Variants in CELF6 observed in about 807,000 individuals in gnomAD.
CELF6 encodes CUGBP Elav-like family member 6.
In CELF6, 32 loss-of-function variants were observed where a neutral mutation model predicts 53.1. The ratio of observed to expected loss-of-function variants is 0.60; its 90% confidence interval spans 0.46 to 0.81. The LOEUF is 0.81. CELF6 is among the 30% of genes least tolerant of loss of function. The pLI is 0.00. For synonymous variants in CELF6, 291 were observed against 288.8 expected, an observed-to-expected ratio of 1.01 and a Z score of -0.08; for missense variants, 539 against 669.5, an observed-to-expected ratio of 0.81 and a Z score of 2.15.
At chr15:72,293,493 TA>T (rs1399365298) in intron 3 of CELF6, among the ~76,000 whole-genome samples, 1 of 152,160 alleles carries the variant, frequency 6.6e-6, no homozygotes, top group East Asian at 1.9e-4. Flanking sequence ...AATGTCTGAA[TA>T]AAAGTATCCC....
At chr15:72,287,525 G>A (rs1034917880) in intron 11 of CELF6, 133 bp from the exon 12 acceptor site, 13 of 982,994 alleles carry the variant, frequency 1.3e-5, no homozygotes, top group Non-Finnish European at 1.8e-5. Flanking sequence ...CTGTTTGTGT[G>A]GATACAGAGT....
At chr15:72,306,799 C>T (rs2088236485) in intron 2 of CELF6, among the ~76,000 whole-genome samples, 1 of 151,982 alleles carries the variant, frequency 6.6e-6, no homozygotes, top group Non-Finnish European at 1.5e-5. Context: ...ACCAGGAGGA[C>T]AGGACCCGTC....
chr15:72,316,821 T>C (rs1250130500), intron 1 of CELF6, among the ~76,000 whole-genome samples: 2 of 150,412 alleles, frequency 1.3e-5, no homozygotes, highest in African/African-American at 5.0e-5. Flanking sequence ...GTGGGGCATT[T>C]TGATGACCTT....
chr15:72,291,684 G>A (rs1412509045), intron 3 of CELF6, among the ~76,000 whole-genome samples: 1 of 152,216 alleles, frequency 6.6e-6, no homozygotes. Context: ...TATGTCACCC[G>A]GGTGGTGTGG....
chr15:72,311,690 C>T (rs980026591), intron 2 of CELF6, among the ~76,000 whole-genome samples: 2 of 152,240 alleles, frequency 1.3e-5, no homozygotes, highest in African/African-American at 4.8e-5. Flanking sequence ...GCGTGAGCCA[C>T]TGCACCCGGC....
rs1438398634 is a variant in CELF6 at position 72,320,144 on chromosome 15, T to G, written c.-270A>C. On this transcript the variant is annotated 5_prime_UTR_variant, in exon 1 of 13. Transcript: ENST00000287202. ...GGTCCCCGTGCGGCTCTCTCTGGGC[T>G]CCCGCCCGAGCTCTCCCAGAGCCGA... The G allele has an allele frequency of 3.2e-6, 2 of 632,168 alleles. No individual in the cohort carries two copies. Among genetic ancestry groups the G allele is most frequent in the Non-Finnish European group, 5.9e-6 (2 of 340,906 alleles). The allele number at this position is 632,168 out of a possible 1,614,324, so 39.2% of individuals were successfully genotyped here. A position where few individuals can be genotyped will look rare whatever the true frequency, so the allele number is the denominator to read the frequency against.
chr15:72,301,789 T>G (rs1186016958), intron 3 of CELF6, among the ~76,000 whole-genome samples: 3 of 142,566 alleles, frequency 2.1e-5, no homozygotes, highest in Non-Finnish European at 4.5e-5. Flanking sequence ...CAGGCTGGAG[T>G]GCAGTGGTGC....
chr15:72,288,835 A>T lies in CELF6; in HGVS notation c.1093+33T>A. The T allele has an allele frequency of 6.5e-7, 1 of 1,543,496 alleles. No homozygotes were observed. The highest frequency in any genetic ancestry group is 8.8e-7 in the Non-Finnish European group (1 of 1,140,514). On this transcript the variant is annotated intron_variant, in intron 9 of 12. Coordinates refer to ENST00000287202, the MANE Select transcript of CELF6 (RefSeq NM_052840.5). The surrounding 1 kb of genome is among the most constrained non-coding windows in gnomAD (Gnocchi z 4.6). ...CCCTATTTCTTTCTAGGGCCCTTCA[A>T]CCTCCCCCAGGCCGCGTAGCGCCAA...
In CELF6 at chr15:72,288,522, G is replaced by GCCC. The variant is rs760982790; in HGVS notation, c.1174+13_1174+15dup. The GCCC allele has an allele frequency of 2.5e-6, 4 of 1,611,586 alleles. No homozygotes were observed. The South Asian group carries it at 4.4e-5, about 18-fold the overall frequency. On this transcript the variant is annotated intron_variant, in intron 10 of 12. Transcript: ENST00000287202. The surrounding 1 kb of genome is among the most constrained non-coding windows in gnomAD (Gnocchi z 4.6). The stretch of plus-strand genomic sequence containing the variant: ...CAGCCCCACCAGGTTCTGCTGTCCA[G>GCCC]CCCCCAGTCCCTCACCTTCTCTCTG...
chr15:72,300,132 A>C (rs1049336751), intron 3 of CELF6, among the ~76,000 whole-genome samples: 1 of 152,206 alleles, frequency 6.6e-6, no homozygotes, highest in Non-Finnish European at 1.5e-5. Context: ...ACGTGGGAGG[A>C]TCATTTGAAG....
chr15:72,315,769 C>T, intron 2 of CELF6, 76 bp downstream of exon 2: 1 of 997,080 alleles, frequency 1.0e-6, no homozygotes, highest in Middle Eastern at 3.1e-4. Context: ...CCAGCCCCCA[C>T]ATGCTGCTTT....
chr15:72,302,779 A>G (rs1163468472), intron 3 of CELF6, among the ~76,000 whole-genome samples: 3 of 152,178 alleles, frequency 2.0e-5, no homozygotes, highest in Non-Finnish European at 4.4e-5. Context: ...CCTCTGCCCA[A>G]CATGCTTGCT....
chr15:72,317,972 G>C (rs1271214014), intron 1 of CELF6, among the ~76,000 whole-genome samples: 1 of 152,230 alleles, frequency 6.6e-6, no homozygotes, highest in Non-Finnish European at 1.5e-5. Flanking sequence ...AATGAAAAGA[G>C]AGAGGATGAG....
In CELF6 at chr15:72,289,712, C is replaced by A; in HGVS notation, c.662G>T (p.Arg221Leu). The A allele has an allele frequency of 6.7e-7, 1 of 1,482,726 alleles. No homozygotes were observed. Among genetic ancestry groups the A allele is most frequent in the Non-Finnish European group, 8.9e-7 (1 of 1,125,916 alleles). The allele number at this position is 1,482,726 out of a possible 1,614,324, so 91.8% of individuals were successfully genotyped here. A position where few individuals can be genotyped will look rare whatever the true frequency, so the allele number is the denominator to read the frequency against. ...LADTDRERALRRMQQMAGHLG... is the reference protein window; with the variant it reads ...LADTDRERALLRMQQMAGHLG... ...GTGGCCGGCCATCTGCTGCATCCGC[C>A]GCAGCGCGCGCTCCCGGTCGGTGTC... is the stretch of plus-strand genomic sequence containing the variant. The change falls in exon 6 of 13, where the codon CGG (arginine) becomes CTG (leucine). Residue 221 changes from arginine (R) to leucine (L), a missense_variant. Around this residue, in one of 3 missense-constraint regions of CELF6, gnomAD observed 358 missense variants for 412.8 expected, o/e 0.87. Transcript: ENST00000287202. This position sits in a 1 kb window ranked among gnomAD's most constrained non-coding sequence, Gnocchi z 7.6.
Position 72,288,174 on chromosome 15 carries a change from G to T in CELF6, c.1318+134C>A. The T allele has an allele frequency of 2.0e-6, 2 of 1,011,484 alleles. No individual in the cohort carries two copies. Among genetic ancestry groups the T allele is most frequent in the Non-Finnish European group, 3.1e-6 (2 of 654,644 alleles). The allele number at this position is 1,011,484 out of a possible 1,614,324, so 62.7% of individuals were successfully genotyped here. ...TTGGCCTAAACTTAGGCCCATCACT[G>T]GTTTGTGACCCTGTTTTGTGCCATA... On this transcript the variant is annotated intron_variant, in intron 11 of 12. Coordinates refer to ENST00000287202, the MANE Select transcript of CELF6 (RefSeq NM_052840.5). The surrounding 1 kb of genome is among the most constrained non-coding windows in gnomAD (Gnocchi z 4.6).
At chr15:72,304,866 C>T in intron 2 of CELF6, 72 bp from the exon 3 acceptor site, 1 of 1,409,524 alleles carries the variant, frequency 7.1e-7, no homozygotes, top group Non-Finnish European at 1.0e-6. Flanking sequence ...TTCTCGAACC[C>T]TGGACTCCTC....
In CELF6 at chr15:72,299,362, CTTTTTTTTT is replaced by C. The variant is rs780048239; in HGVS notation, c.394+5375_394+5383del. Among the ~76,000 whole-genome samples, 4 of 138,926 alleles carry C rather than the reference CTTTTTTTTT, an allele frequency of 2.9e-5. No individual in the cohort carries two copies. The East Asian group carries it at 8.3e-4, about 29-fold the overall frequency. The allele number at this position is 138,926 out of a possible 152,430, so 91.1% of individuals were successfully genotyped here. On this transcript the variant is annotated intron_variant, in intron 3 of 12. Transcript: ENST00000287202. ...TGAGGGAAAAGGTTTTTTGTTTTTT[CTTTTTTTTT>C]TTTTTTGAAATGGAATCTCGCTCTG...
Position 72,299,428 on chromosome 15 carries a change from C to T in CELF6, c.394+5318G>A, listed in dbSNP as rs191113325. Reference sequence around the variant, plus strand: ...AGGCTGGAGTGCAGTGGCATGATCTCGGCTCACTGCAACCTCCGCCTCCTG... The same window carrying T: ...AGGCTGGAGTGCAGTGGCATGATCTTGGCTCACTGCAACCTCCGCCTCCTG... On this transcript the variant is annotated intron_variant, in intron 3 of 12. Coordinates refer to ENST00000287202, the MANE Select transcript of CELF6 (RefSeq NM_052840.5). Among the ~76,000 whole-genome samples, 709 of 146,764 alleles carry T rather than the reference C, an allele frequency of 4.8e-3. 3 individuals carry two copies. Among genetic ancestry groups the T allele is most frequent in the Non-Finnish European group, 7.1e-3 (478 of 66,948 alleles).
intron 2 of CELF6, among the ~76,000 whole-genome samples, chr15:72,314,746 C>T (rs753665891): frequency 6.6e-6 from 1 of 151,970 alleles, no homozygotes; most frequent in Non-Finnish European, 1.5e-5. Context: ...AGGCATCTGC[C>T]ACCATGTCTA....
Sources: gnomAD v4.1 joint callset for allele counts (sites outside exome capture counted in the v4.1 genomes callset) on GRCh38, gnomAD v4.1.1 for gene constraint, gnomAD v4.1.1 regional missense constraint, Gnocchi (gnomAD v3.1) non-coding constraint, MANE v1.5 for transcripts, NCBI Gene and HGNC (gene_info 2026-07-23, HGNC 2026-07-21) for gene names.